WDR72: variants seen among roughly 807,000 people sequenced by gnomAD.
WDR72 encodes WD repeat domain 72.
In WDR72, 120 loss-of-function variants were observed where a neutral mutation model predicts 124.2. That is an observed-to-expected ratio of 0.97 (90% CI 0.83 to 1.12). The LOEUF (loss-of-function observed/expected upper bound fraction) is 1.12, where lower values mean the gene tolerates loss of function less well. Among genes scored for constraint, WDR72 ranks in the 50% most tolerant of loss-of-function variants. The pLI is 0.00. For synonymous variants in WDR72, 452 were observed against 441.7 expected (o/e 1.02, Z -0.29); for missense variants, 1,387 against 1,278.8 (o/e 1.08, Z -1.29).
chr15:53,677,345 C>T (rs528648375), intron 13 of WDR72, among the ~76,000 whole-genome samples: 1 of 152,284 alleles, frequency 6.6e-6, no homozygotes, highest in Admixed American at 6.5e-5. Flanking sequence ...ACCCTAAGTA[C>T]TATAAGCCAT....
chr15:53,655,627 C>T (rs941006374), intron 14 of WDR72, among the ~76,000 whole-genome samples: 7 of 151,936 alleles, frequency 4.6e-5, no homozygotes, highest in African/African-American at 7.3e-5. Context: ...GAGAAGGCCA[C>T]GTTTTATATA....
chr15:53,518,599 A>G (rs781307820), intron 19 of WDR72, among the ~76,000 whole-genome samples: 9 of 151,842 alleles, frequency 5.9e-5, no homozygotes, highest in Middle Eastern at 3.2e-3. Context: ...AGCGCTAACC[A>G]TAAGAAGTGT....
chr15:53,649,223 G>A (rs689628), intron 14 of WDR72, among the ~76,000 whole-genome samples: 10,397 of 152,008 alleles, frequency 0.068, 1,162 homozygotes, highest in African/African-American at 0.24. Context: ...TTACTGATGC[G>A]TTGGCTATGG....
intron 1 of WDR72, among the ~76,000 whole-genome samples, chr15:53,753,010 C>G (rs1374294942): frequency 1.3e-5 from 2 of 152,126 alleles, no homozygotes; most frequent in Admixed American, 1.3e-4. Flanking sequence ...ATGTAAAGAA[C>G]CAACGTAAAG....
chr15:53,744,211 T>C (rs1476170621), intron 1 of WDR72, among the ~76,000 whole-genome samples: 2 of 152,040 alleles, frequency 1.3e-5, no homozygotes, highest in Non-Finnish European at 2.9e-5. Context: ...TTTATAGGGG[T>C]GAGAGGAACT....
intron 18 of WDR72, among the ~76,000 whole-genome samples, chr15:53,523,984 A>G (rs139691557): frequency 9.2e-5 from 14 of 152,244 alleles, no homozygotes; most frequent in African/African-American, 3.4e-4. Context: ...AAAATTTTCT[A>G]TAAACCCATG....
chr15:53,597,106 A>C lies in WDR72; in HGVS notation c.3121T>G (p.Cys1041Gly). ...TGCAGAGGCAAAGTGTTTCTAACAC[A>C]CTGTAACTCTAGTTCTTCTGTCCAT... ...LEWTEELELQ[C>G]VRNTLPLQTP... The change falls in exon 18 of 20, where the codon TGT (cysteine) becomes GGT (glycine). Residue 1041 changes from cysteine to glycine, a missense_variant. Physicochemically the swap from Cys to Gly is radical, Grantham distance 159. Coordinates refer to ENST00000360509, the MANE Select transcript of WDR72 (RefSeq NM_182758.4). 3 of 1,613,830 alleles carry C rather than the reference A, an allele frequency of 1.9e-6. No individual in the cohort carries two copies. The highest frequency in any genetic ancestry group is 2.5e-6 in the Non-Finnish European group (3 of 1,179,860).
In WDR72 at chr15:53,665,626, G is replaced by T; in HGVS notation, c.1908C>A (p.Pro636=). The T allele has an allele frequency of 6.2e-7, 1 of 1,613,928 alleles. No homozygotes were observed. The highest frequency in any genetic ancestry group is 8.5e-7 in the Non-Finnish European group (1 of 1,179,872). Reference sequence around the variant, plus strand: ...GGCAAGGTAATGGCCCAAGCTGGTAGGGGCTGGAGGATCTCTGTTCTATAC... The same window carrying T: ...GGCAAGGTAATGGCCCAAGCTGGTATGGGCTGGAGGATCTCTGTTCTATAC... ...HKSIEQRSSS[P]YQLGPLPCPG... Residue 636 remains proline, a synonymous_variant, in exon 14 of 20, where the codon CCC becomes CCA. Coordinates refer to ENST00000360509, the MANE Select transcript of WDR72 (RefSeq NM_182758.4).
At chr15:53,692,916 TC>T (rs907812582) in intron 13 of WDR72, among the ~76,000 whole-genome samples, 1 of 152,206 alleles carries the variant, frequency 6.6e-6, no homozygotes, top group African/African-American at 2.4e-5. Context: ...TCCTATTTTT[TC>T]TTTCCTAAAA....
intron 14 of WDR72, among the ~76,000 whole-genome samples, chr15:53,638,335 G>A (rs1262847159): frequency 6.6e-6 from 1 of 152,134 alleles, no homozygotes; most frequent in Non-Finnish European, 1.5e-5. Context: ...AGATGCTCAG[G>A]TCCAATATCC....
intron 14 of WDR72, among the ~76,000 whole-genome samples, chr15:53,645,322 C>T (rs564927411): frequency 6.6e-6 from 1 of 152,270 alleles, no homozygotes; most frequent in African/African-American, 2.4e-5. Context: ...AGGCTTCAAG[C>T]TGGTTTATGC....
intron 14 of WDR72, among the ~76,000 whole-genome samples, chr15:53,622,804 A>C (rs1364539447): frequency 1.3e-5 from 2 of 152,080 alleles, no homozygotes; most frequent in Non-Finnish European, 1.5e-5. Context: ...CTAAACTAAA[A>C]TAAAGGGCCC....
In WDR72 at chr15:53,699,927, T is replaced by G. The variant is rs780688586; in HGVS notation, c.1588A>C (p.Ile530Leu). 1 of 1,614,152 alleles carries G rather than the reference T, an allele frequency of 6.2e-7. No individual in the cohort carries two copies. Among genetic ancestry groups the G allele is most frequent in the Non-Finnish European group, 8.5e-7 (1 of 1,180,038 alleles). Residue 530 changes from isoleucine (I) to leucine (L), a missense_variant, in exon 13 of 20, where the codon ATT (isoleucine) becomes CTT (leucine). Ile to Leu is a conservative substitution (Grantham distance 5). Coordinates refer to ENST00000360509, the MANE Select transcript of WDR72 (RefSeq NM_182758.4). Reference sequence around the variant, plus strand: ...GAATGGTCACCGCACACACAGCAAATTATCTGCTCACCCCTTAGCTGTGAA... The same window carrying G: ...GAATGGTCACCGCACACACAGCAAAGTATCTGCTCACCCCTTAGCTGTGAA... ...EKFKLRGEQI[I>L]CCVCGDHSVA...
intron 18 of WDR72, among the ~76,000 whole-genome samples, chr15:53,581,031 A>G (rs546815692): frequency 2.0e-5 from 3 of 151,504 alleles, no homozygotes; most frequent in Admixed American, 1.3e-4. Flanking sequence ...TGTGTATTAA[A>G]TTTAATAAAC....
chr15:53,726,285 T>TATACAC (rs1228132828), intron 2 of WDR72, among the ~76,000 whole-genome samples: 1 of 115,444 alleles, frequency 8.7e-6, no homozygotes, highest in Non-Finnish European at 1.6e-5. Flanking sequence ...TATATATATA[T>TATACAC]ACACACACAC....
intron 14 of WDR72, among the ~76,000 whole-genome samples, chr15:53,653,739 C>G (rs1446442642): frequency 2.6e-5 from 4 of 152,066 alleles, no homozygotes; most frequent in African/African-American, 7.2e-5. Context: ...TATGTGAGTT[C>G]AATAGACTGG....
At chr15:53,597,761 T>G (rs2012846510) in intron 17 of WDR72, among the ~76,000 whole-genome samples, 1 of 152,188 alleles carries the variant, frequency 6.6e-6, no homozygotes, top group African/African-American at 2.4e-5. Flanking sequence ...CACTAACTTT[T>G]GTGTATACCT....
rs202072476 is a variant in WDR72 at position 53,718,308 on chromosome 15, T to TA, written c.261-1624dup. ...TACATTAGACTTATTTGAGAACTTT[T>TA]AAAAAATACTGATGGCTGACCATGC... is the stretch of plus-strand genomic sequence containing the variant. On this transcript the variant is annotated intron_variant, in intron 3 of 19. Transcript: ENST00000360509. Among the ~76,000 whole-genome samples, 120 of 137,690 alleles carry TA rather than the reference T, an allele frequency of 8.7e-4. 1 individual carries two copies. The East Asian group carries it at 0.022, about 25-fold the overall frequency. 90.3% of individuals were successfully genotyped at this position (137,690 alleles called of 152,430 possible). A position where few individuals can be genotyped will look rare whatever the true frequency, so the allele number is the denominator to read the frequency against.
chr15:53,731,383 T>C (rs2018198650), intron 2 of WDR72, among the ~76,000 whole-genome samples: 1 of 151,834 alleles, frequency 6.6e-6, no homozygotes, highest in African/African-American at 2.4e-5. Context: ...CCAGCCCATA[T>C]CTCTATCCCT....
Sources: allele counts gnomAD v4.1 joint callset (sites outside exome capture counted in the v4.1 genomes callset), GRCh38; gene constraint gnomAD v4.1.1; transcripts MANE v1.5; gene names NCBI Gene and HGNC (gene_info 2026-07-23, HGNC 2026-07-21).